Variants in MYOF observed in about 807,000 individuals in gnomAD.
MYOF encodes the protein myoferlin, also known as fer-1-like 3, myoferlin.
MYOF carries 244 observed loss-of-function variants against 284.2 expected under a neutral mutation model. The ratio of observed to expected loss-of-function variants is 0.86; its 90% CI spans 0.77 to 0.95. The LOEUF (loss-of-function observed/expected upper bound fraction) is 0.95, where lower values mean the gene tolerates loss of function less well. MYOF is among the 40% of genes least tolerant of loss of function. The pLI is 0.00. For missense variants in MYOF, 2,496 were observed against 2,560.6 expected (o/e 0.97, Z 0.54); for synonymous variants, 904 against 919.7 (o/e 0.98, Z 0.31).
At chr10:93,415,726 C>T (rs941828930) in intron 5 of MYOF, among the ~76,000 whole-genome samples, 9 of 152,304 alleles carry the variant, frequency 5.9e-5, no homozygotes, top group South Asian at 4.1e-4. Context: ...CCAACTCTTC[C>T]GCATTTGCAC....
intron 1 of MYOF, chr10:93,478,147 A>G (rs200637916): frequency 1.2e-5 from 3 of 257,358 alleles, no homozygotes; most frequent in African/African-American, 2.5e-5. Context: ...TAAAAATATT[A>G]TATTATTTAA....
At chr10:93,369,829 G>C in intron 24 of MYOF, 53 bp from the exon 25 acceptor site, 1 of 1,602,626 alleles carries the variant, frequency 6.2e-7, no homozygotes. Context: ...CAAAGACTGT[G>C]ACATTAAGTT....
chr10:93,316,348 G>C (rs1294764185), intron 50 of MYOF, among the ~76,000 whole-genome samples: 1 of 152,116 alleles, frequency 6.6e-6, no homozygotes, highest in African/African-American at 2.4e-5. Context: ...GGGGGTTGGG[G>C]ACCTTGGTAA....
intron 3 of MYOF, among the ~76,000 whole-genome samples, chr10:93,432,208 T>C (rs1169734437): frequency 6.6e-6 from 1 of 151,956 alleles, no homozygotes; most frequent in African/African-American, 2.4e-5. Flanking sequence ...GGCAAGATCA[T>C]GAGACCCCAT....
At chr10:93,320,680 G>GGAAT (rs929507224) in intron 48 of MYOF, among the ~76,000 whole-genome samples, 25 of 152,012 alleles carry the variant, frequency 1.6e-4, no homozygotes, top group African/African-American at 5.8e-4. Context: ...ACCTACTGAA[G>GGAAT]GAATGAATGA....
At chr10:93,462,245 T>G (rs897540811) in intron 1 of MYOF, among the ~76,000 whole-genome samples, 1 of 152,104 alleles carries the variant, frequency 6.6e-6, no homozygotes, top group Non-Finnish European at 1.5e-5. Flanking sequence ...AATTTTTATA[T>G]TTTTAGTAAA....
chr10:93,342,755 T>C (rs908335479), intron 38 of MYOF, among the ~76,000 whole-genome samples: 3 of 152,234 alleles, frequency 2.0e-5, no homozygotes, highest in African/African-American at 7.2e-5. Context: ...AGGCAGATTA[T>C]ACAGCGAGAT....
chr10:93,328,859 T>A lies in MYOF; in HGVS notation c.5035A>T (p.Asn1679Tyr), dbSNP rs774860416. ...GGGAAGCCTTTGAATCTGGCGACAT[T>A]TTGAAGCAGCTGTGTTGGTCTCAGT... ...DQLRPTQLLQ[N>Y]VARFKGFPQP... Residue 1679 changes from asparagine (N) to tyrosine (Y), a missense_variant, in exon 45 of 54, where the codon AAT (asparagine) becomes TAT (tyrosine). Asn to Tyr is a moderately radical substitution (Grantham distance 143). Coordinates refer to ENST00000359263, the MANE Select transcript of MYOF (RefSeq NM_013451.4). The A allele has an allele frequency of 1.2e-6, 2 of 1,613,750 alleles. No homozygotes were observed. The highest frequency in any genetic ancestry group is 1.1e-5 in the South Asian group (1 of 91,008).
chr10:93,328,714 T>C (rs749236692), intron 45 of MYOF, 49 bp downstream of exon 45: 2 of 1,561,674 alleles, frequency 1.3e-6, no homozygotes, highest in Admixed American at 1.7e-5. Context: ...GCAATATATA[T>C]GGGTTACTAT....
intron 1 of MYOF, among the ~76,000 whole-genome samples, chr10:93,478,671 A>G (rs1371818246): frequency 1.3e-5 from 1 of 75,644 alleles, no homozygotes. Flanking sequence ...TCTCTACAAA[A>G]AAAATTAAAA....
intron 35 of MYOF, among the ~76,000 whole-genome samples, chr10:93,350,402 C>T (rs1447217332): frequency 6.6e-6 from 1 of 152,044 alleles, no homozygotes; most frequent in African/African-American, 2.4e-5. Context: ...AACCTCCACC[C>T]CCTGAGTTCA....
chr10:93,425,993 G>T (rs1848573312), intron 5 of MYOF, 78 bp downstream of exon 5: 5 of 1,420,960 alleles, frequency 3.5e-6, no homozygotes, highest in Non-Finnish European at 4.8e-6. Flanking sequence ...CAATGGCAGG[G>T]TTTCTCCAGA....
In MYOF at chr10:93,452,214, C is replaced by T. The variant is rs1399519746; in HGVS notation, c.145-73G>A. 3 of 884,532 alleles carry T rather than the reference C, an allele frequency of 3.4e-6. No individual in the cohort carries two copies. The African/African-American group carries it at 5.1e-5, about 15-fold the overall frequency. The allele number at this position is 884,532 out of a possible 1,614,324, so 54.8% of individuals were successfully genotyped here. ...AAGGAGCAGAGATTACACTAAGATG[C>T]ACCAGTACTACATGTTGGGTCATTA... On this transcript the variant is annotated intron_variant, in intron 2 of 53. Coordinates refer to ENST00000359263, the MANE Select transcript of MYOF (RefSeq NM_013451.4).
At chr10:93,406,288 T>TTATACATATATATA (rs1554855589) in intron 7 of MYOF, among the ~76,000 whole-genome samples, 6 of 58,148 alleles carry the variant, frequency 1.0e-4, no homozygotes, top group Non-Finnish European at 2.1e-4. Flanking sequence ...TAAACCTCTT[T>TTATACATATATATA]TATATATATA....
At chr10:93,436,881 G>A (rs1849148609) in intron 3 of MYOF, among the ~76,000 whole-genome samples, 1 of 152,200 alleles carries the variant, frequency 6.6e-6, no homozygotes, top group Non-Finnish European at 1.5e-5. Flanking sequence ...TAGTGTGACA[G>A]TGAGGGGGAA....
At chr10:93,336,120 A>G in intron 40 of MYOF, 74 bp from the exon 41 acceptor site, 1 of 1,536,872 alleles carries the variant, frequency 6.5e-7, no homozygotes, top group Non-Finnish European at 8.8e-7. Context: ...GGCTGACAGT[A>G]TCAAGTGGGC....
chr10:93,348,171 T>G (rs766072016), intron 36 of MYOF, among the ~76,000 whole-genome samples: 1 of 152,238 alleles, frequency 6.6e-6, no homozygotes, highest in Non-Finnish European at 1.5e-5. Flanking sequence ...CTCTTCCCTG[T>G]GCTCTGCTTC....
chr10:93,428,485 C>T (rs555965141), intron 4 of MYOF, among the ~76,000 whole-genome samples: 8 of 151,458 alleles, frequency 5.3e-5, no homozygotes, highest in South Asian at 2.1e-4. Flanking sequence ...GGATTATAGG[C>T]GTGAGCCACC....
intron 48 of MYOF, among the ~76,000 whole-genome samples, chr10:93,322,739 G>C (rs549385087): frequency 1.3e-5 from 2 of 152,100 alleles, no homozygotes; most frequent in African/African-American, 2.4e-5. Context: ...GTTATTCAGG[G>C]TATCAAAGAG....
Sources: allele counts gnomAD v4.1 joint callset (sites outside exome capture counted in the v4.1 genomes callset), GRCh38; gene constraint gnomAD v4.1.1; transcripts MANE v1.5; gene names NCBI Gene and HGNC (gene_info 2026-07-23, HGNC 2026-07-21).